Variants in ZNF345 observed in about 807,000 individuals in gnomAD.
The protein encoded by ZNF345 is zinc finger protein 345, also known as zinc finger protein HZF10.
For synonymous variants in ZNF345, 166 were observed against 187.9 expected (o/e 0.88, Z 0.95); for missense variants, 527 against 589.9 (o/e 0.89, Z 1.10).
At chr19:36,862,070 A>G (rs1374774917) in intron 2 of ZNF345, among the ~76,000 whole-genome samples, 6 of 149,152 alleles carry the variant, frequency 4.0e-5, no homozygotes, top group Admixed American at 1.3e-4. Flanking sequence ...CATGTTGGTC[A>G]GGCTGGTCTC....
intron 2 of ZNF345, among the ~76,000 whole-genome samples, chr19:36,871,848 A>G (rs2072776840): frequency 6.6e-6 from 1 of 151,706 alleles, no homozygotes; most frequent in Non-Finnish European, 1.5e-5. Flanking sequence ...TCTTACCACA[A>G]CCTCCGCCTC....
intron 2 of ZNF345, among the ~76,000 whole-genome samples, chr19:36,855,013 A>C (rs564569345): frequency 6.6e-6 from 1 of 151,278 alleles, no homozygotes; most frequent in Non-Finnish European, 1.5e-5. Context: ...CACCATGCCC[A>C]GCTAATTTTT....
chr19:36,865,561 C>T (rs540103740), intron 2 of ZNF345, among the ~76,000 whole-genome samples: 8 of 152,148 alleles, frequency 5.3e-5, no homozygotes, highest in South Asian at 2.1e-4. Context: ...CCCAGGTTCA[C>T]GTGATTCTCC....
chr19:36,871,428 C>CT lies in ZNF345; in HGVS notation c.-46-5349dup, dbSNP rs551010683. On this transcript the variant is annotated intron_variant, in intron 2 of 2. Transcript: ENST00000420450. ...ATCTTTATTAATACACACACATACA[C>CT]TTTTTTTTGTGAGTCATTTGAAAAT... Among the ~76,000 whole-genome samples the CT allele has an allele frequency of 3.5e-4, 53 of 152,092 alleles. 1 individual carries two copies. The highest frequency in any genetic ancestry group is 5.1e-4 in the Non-Finnish European group (35 of 67,992).
chr19:36,890,682 A>G (rs2073041548), intron 3 of ZNF345: 1 of 135,814 alleles, frequency 7.4e-6, no homozygotes, highest in Non-Finnish European at 1.6e-5. Context: ...CGCTACTAAA[A>G]ATACAAAAAA....
At position 36,871,838 on chromosome 19, in the gene ZNF345, T is replaced by G. The variant is rs1054621544; in HGVS notation, c.-46-4947T>G. 5.3e-5 allele frequency among the ~76,000 whole-genome samples: 8 copies of G among 152,140 alleles called. No individual in the cohort carries two copies. In the East Asian group the frequency reaches 1.5e-3, roughly 29 times the overall value. ...GCTGGAGTGCAATGGTACGATCTTGTCTTACCACAACCTCCGCCTCCTGGG... is the reference window on the plus strand; with the variant it reads ...GCTGGAGTGCAATGGTACGATCTTGGCTTACCACAACCTCCGCCTCCTGGG... On this transcript the variant is annotated intron_variant, in intron 2 of 2. Coordinates refer to ENST00000420450, the MANE Select transcript of ZNF345 (RefSeq NM_001242472.2).
Position 36,878,696 on chromosome 19 carries a change from C to T in ZNF345, c.*399C>T, listed in dbSNP as rs957067039. 10 of 169,892 alleles carry T rather than the reference C, an allele frequency of 5.9e-5. No individual in the cohort carries two copies. Among genetic ancestry groups the T allele is most frequent in the Admixed American group, 5.2e-4 (8 of 15,460 alleles). 10.5% of individuals were successfully genotyped at this position (169,892 alleles called of 1,614,324 possible). A position where few individuals can be genotyped will look rare whatever the true frequency, so the allele number is the denominator to read the frequency against. On this transcript the variant is annotated 3_prime_UTR_variant, in exon 3 of 3. Transcript: ENST00000420450. Reference sequence around the variant, plus strand: ...TTATTTATTGCAAGTCTAAATTTATCCTTTTTTTCTTTCCTGATTATCCTA... The same window carrying T: ...TTATTTATTGCAAGTCTAAATTTATTCTTTTTTTCTTTCCTGATTATCCTA...
Position 36,877,891 on chromosome 19 carries a change from G to T in ZNF345, c.1061G>T (p.Gly354Val). 1 of 1,614,002 alleles carries T rather than the reference G, an allele frequency of 6.2e-7. No individual in the cohort carries two copies. Among genetic ancestry groups the T allele is most frequent in the Non-Finnish European group, 8.5e-7 (1 of 1,179,976 alleles). Residue 354 changes from glycine to valine, a missense_variant, in exon 3 of 3, where the codon GGT becomes GTT. Gly to Val is a moderately radical substitution (Grantham distance 109). Transcript: ENST00000420450. Reference protein sequence around the residue: ...CKECGKTFSSGSDLTQHHRIH... With the variant: ...CKECGKTFSSVSDLTQHHRIH... Reference sequence around the variant, plus strand: ...GAATGTGGGAAGACCTTTAGTAGTGGTTCAGACCTTACTCAACATCACAGA... The same window carrying T: ...GAATGTGGGAAGACCTTTAGTAGTGTTTCAGACCTTACTCAACATCACAGA...
At chr19:36,855,640 C>T (rs1185540684) in intron 2 of ZNF345, among the ~76,000 whole-genome samples, 3 of 151,724 alleles carry the variant, frequency 2.0e-5, no homozygotes, top group Non-Finnish European at 4.4e-5. Context: ...TTAGTAGAGA[C>T]AGGGATCCTT....
chr19:36,881,505 A>C (rs2072968108), downstream of ZNF345, among the ~76,000 whole-genome samples: 3 of 152,172 alleles, frequency 2.0e-5, no homozygotes, highest in Non-Finnish European at 4.4e-5. Context: ...CTGGGGAAAA[A>C]AACCCTGTAG....
At chr19:36,890,193 T>C (rs1391781781) in intron 3 of ZNF345, 1 of 152,194 alleles carries the variant, frequency 6.6e-6, no homozygotes, top group East Asian at 1.9e-4. Context: ...ATATGACCTA[T>C]TTTTGAGAAT....
intron 2 of ZNF345, among the ~76,000 whole-genome samples, chr19:36,853,245 C>CTTTTTTTTTTTTTT (rs902150512): frequency 6.6e-5 from 7 of 106,530 alleles, no homozygotes; most frequent in African/African-American, 2.2e-4. Context: ...TTCTTTCTTT[C>CTTTTTTTTTTTTTT]TTTTTTTTTT....
chr19:36,874,512 T>TG (rs1396375711), intron 2 of ZNF345, among the ~76,000 whole-genome samples: 1 of 109,118 alleles, frequency 9.2e-6, no homozygotes, highest in African/African-American at 3.9e-5. Flanking sequence ...AAAAGGGGGG[T>TG]GGGGTGCCAG....
intron 2 of ZNF345, among the ~76,000 whole-genome samples, chr19:36,852,427 A>G (rs1208526658): frequency 1.3e-5 from 2 of 152,044 alleles, no homozygotes; most frequent in Admixed American, 6.6e-5. Flanking sequence ...CCTGGCCAAC[A>G]TGAGGAAACC....
At position 36,877,606 on chromosome 19, in the gene ZNF345, T is replaced by C. The variant is rs773873071; in HGVS notation, c.776T>C (p.Ile259Thr). Residue 259 changes from isoleucine to threonine, a missense_variant, in exon 3 of 3, where the codon ATA becomes ACA. Physicochemically the swap from Ile to Thr is moderately conservative, Grantham distance 89 (BLOSUM62 -1). Transcript: ENST00000420450. ...ATTCATACCGGTGAGAAACCATATA[T>C]ATGTAATGAATGTGGTAAGGCCTTT... ...QRIHTGEKPY[I>T]CNECGKAFSF... 24 of 1,613,108 alleles carry C rather than the reference T, an allele frequency of 1.5e-5. No homozygotes were observed. Among genetic ancestry groups the C allele is most frequent in the Non-Finnish European group, 2.0e-5 (24 of 1,179,756 alleles).
At chr19:36,891,510 C>G (rs1212905810) in intron 3 of ZNF345, 1 of 1,564,744 alleles carries the variant, frequency 6.4e-7, no homozygotes, top group South Asian at 1.2e-5. Context: ...TATGAATTCC[C>G]TCATGGCGAA....
chr19:36,889,882 T>C (rs2073033863), intron 3 of ZNF345: 2 of 152,208 alleles, frequency 1.3e-5, no homozygotes, highest in South Asian at 4.1e-4. Flanking sequence ...GAGATTTTTC[T>C]ATCTTTTTGG....
At chr19:36,853,349 A>G (rs973408990) in intron 2 of ZNF345, among the ~76,000 whole-genome samples, 1 of 151,410 alleles carries the variant, frequency 6.6e-6, no homozygotes, top group Admixed American at 6.6e-5. Context: ...CTTGGGTTCA[A>G]GTGATTGTCC....
Position 36,878,756 on chromosome 19 carries a change from AT to A in ZNF345, c.*467del, listed in dbSNP as rs545711507. 5.4e-5 allele frequency: 9 copies of A among 166,326 alleles called. No homozygotes were observed. Among genetic ancestry groups the A allele is most frequent in the African/African-American group, 7.3e-5 (3 of 41,130 alleles). 10.3% of individuals were successfully genotyped at this position (166,326 alleles called of 1,614,324 possible). A position where few individuals can be genotyped will look rare whatever the true frequency, so the allele number is the denominator to read the frequency against. ...ATTCAATAACCTTGTCCATTTTCAT[AT>A]TTTTTTTATTGACTATTTGATGGTA... On this transcript the variant is annotated 3_prime_UTR_variant, in exon 3 of 3. Coordinates refer to ENST00000420450, the MANE Select transcript of ZNF345 (RefSeq NM_001242472.2).
Sources: gnomAD v4.1 joint callset for allele counts (sites outside exome capture counted in the v4.1 genomes callset) on GRCh38, gnomAD v4.1.1 for gene constraint, MANE v1.5 for transcripts, NCBI Gene and HGNC (gene_info 2026-07-23, HGNC 2026-07-21) for gene names.